The following USP8 variants were observed in gnomAD, a reference collection of about 807,000 sequenced individuals.
The protein encoded by USP8 is ubiquitin carboxyl-terminal hydrolase 8.
A neutral mutation model predicts 130.0 loss-of-function variants in USP8; 27 were observed. The ratio of observed to expected loss-of-function variants is 0.21; its 90% CI spans 0.15 to 0.29. USP8 has a LOEUF of 0.29. Ranked by LOEUF, USP8 falls within the 10% of genes least tolerant of loss-of-function variation. The pLI, the probability that USP8 is intolerant of heterozygous loss-of-function variation, is 1.00. For synonymous variants in USP8, 392 were observed against 444.1 expected, an observed-to-expected ratio of 0.88 and a Z score of 1.48; for missense variants, 1,029 against 1,312.2, an observed-to-expected ratio of 0.78 and a Z score of 3.33.
intron 2 of USP8, 37 bp from the exon 3 acceptor site, chr15:50,441,312 C>T: frequency 6.5e-7 from 1 of 1,546,328 alleles, no homozygotes; most frequent in Non-Finnish European, 8.7e-7. Flanking sequence ...TCCCAGATGT[C>T]AATTGCTTTA....
intron 3 of USP8, among the ~76,000 whole-genome samples, chr15:50,442,910 G>T (rs1483714979): frequency 6.6e-6 from 1 of 152,122 alleles, no homozygotes; most frequent in Non-Finnish European, 1.5e-5. Context: ...TTTTCACCTG[G>T]TAGAGAAGCC....
In USP8 at chr15:50,513,369, C is replaced by T. The variant is rs2052762726; in HGVS notation, c.*14281C>T. On this transcript the variant is annotated 3_prime_UTR_variant, in exon 20 of 20. Transcript: ENST00000307179. ...ACATCATAGGCTAGTGAAATTATAA[C>T]CACATGCAACAATATGGATATATCT... The T allele has an allele frequency of 6.6e-6, 1 of 151,666 alleles. No homozygotes were observed. Among genetic ancestry groups the T allele is most frequent in the Admixed American group, 6.6e-5 (1 of 15,228 alleles). 9.4% of individuals were successfully genotyped at this position (151,666 alleles called of 1,614,324 possible). A position where few individuals can be genotyped will look rare whatever the true frequency, so the allele number is the denominator to read the frequency against.
rs769139625 is a variant in USP8 at position 50,481,971 on chromosome 15, A to C, written c.1709A>C (p.Asp570Ala). The change falls in exon 11 of 20, where the codon GAT becomes GCT. Residue 570 changes from aspartate (D) to alanine (A), a missense_variant. By Grantham distance (126) the Asp-to-Ala change is moderately radical (BLOSUM62 -2). This residue lies in a region of USP8 where 486 missense variants were observed against 522.0 expected (regional missense o/e 0.93). Coordinates refer to ENST00000307179, the MANE Select transcript of USP8 (RefSeq NM_005154.5). The part of the protein sequence containing the change: ...ETSDAKKSVE[D>A]RGKRCPTPEI... ...TCTGATGCCAAGAAATCTGTAGAAG[A>C]TAGGGGGAAAAGGTGTCCAACCCCA... The C allele has an allele frequency of 1.1e-5, 17 of 1,603,196 alleles. No homozygotes were observed. In the African/African-American group the frequency reaches 2.0e-4, roughly 19 times the overall value.
At chr15:50,457,302 A>G (rs2050822783) in intron 4 of USP8, among the ~76,000 whole-genome samples, 1 of 152,250 alleles carries the variant, frequency 6.6e-6, no homozygotes, top group South Asian at 2.1e-4. Context: ...ACACACCTGT[A>G]ATCTCAGCCT....
chr15:50,491,548 C>A (rs1409891974), intron 14 of USP8, among the ~76,000 whole-genome samples: 2 of 151,990 alleles, frequency 1.3e-5, no homozygotes, highest in Non-Finnish European at 2.9e-5. Flanking sequence ...AGAAAAAGCA[C>A]ACGAGTACAT....
At chr15:50,434,601 G>A (rs1044139619) in intron 1 of USP8, among the ~76,000 whole-genome samples, 2 of 151,568 alleles carry the variant, frequency 1.3e-5, no homozygotes, top group African/African-American at 4.8e-5. Flanking sequence ...CCTTTTTGAA[G>A]CATAAGTTTT....
At chr15:50,487,158 A>G (rs553313846) in intron 12 of USP8, among the ~76,000 whole-genome samples, 1 of 152,218 alleles carries the variant, frequency 6.6e-6, no homozygotes, top group Non-Finnish European at 1.5e-5. Flanking sequence ...AATGTAACCA[A>G]ATATCACCTG....
In USP8 at chr15:50,510,188, T is replaced by C. The variant is rs1236278180; in HGVS notation, c.*11100T>C. ...TGAGGAAAAGAAGAGGCTGAGACAT[T>C]TGGTTATTCATATGCAGAAAAATGA... On this transcript the variant is annotated 3_prime_UTR_variant, in exon 20 of 20. Coordinates refer to ENST00000307179, the MANE Select transcript of USP8 (RefSeq NM_005154.5). 6.6e-6 allele frequency: 1 copy of C among 152,156 alleles called. No homozygotes were observed. Among genetic ancestry groups the C allele is most frequent in the Non-Finnish European group, 1.5e-5 (1 of 68,030 alleles). 9.4% of individuals were successfully genotyped at this position (152,156 alleles called of 1,614,324 possible).
intron 3 of USP8, 25 bp from the exon 4 acceptor site, chr15:50,449,375 T>C (rs767448931): frequency 8.1e-6 from 12 of 1,482,586 alleles, no homozygotes; most frequent in Non-Finnish European, 1.1e-5. Context: ...ACTAACAATA[T>C]GGGATGGTTT....
At chr15:50,449,587 T>A (rs2050548743) in intron 4 of USP8, 102 bp downstream of exon 4, 2 of 769,788 alleles carry the variant, frequency 2.6e-6, no homozygotes, top group Non-Finnish European at 1.8e-6. Flanking sequence ...AATATTCCAA[T>A]TTTTTTTTGA....
chr15:50,426,903 T>C (rs760819020), intron 1 of USP8: 6 of 152,126 alleles, frequency 3.9e-5, no homozygotes, highest in Non-Finnish European at 7.3e-5. Flanking sequence ...TGCATTTATA[T>C]AGCAGATGAA....
chr15:50,463,051 C>T (rs1265440447), intron 6 of USP8, among the ~76,000 whole-genome samples: 3 of 152,034 alleles, frequency 2.0e-5, no homozygotes, highest in African/African-American at 7.2e-5. Flanking sequence ...AGTTCAAGAC[C>T]AGCCTAGGTA....
At position 50,493,050 on chromosome 15, in the gene USP8, TTTCTC is replaced by T. The variant is rs762888687; in HGVS notation, c.2447+140_2447+144del. 7 of 931,026 alleles carry T rather than the reference TTTCTC, an allele frequency of 7.5e-6. No individual in the cohort carries two copies. The South Asian group carries it at 9.7e-5, about 13-fold the overall frequency. 57.7% of individuals were successfully genotyped at this position (931,026 alleles called of 1,614,324 possible). A position where few individuals can be genotyped will look rare whatever the true frequency, so the allele number is the denominator to read the frequency against. Reference sequence around the variant, plus strand: ...TAATTTGTAAAGAACAAAAATTTATTTTCTCTTAGTTCTTGACTGGGAAGGCCATC... The same window carrying T: ...TAATTTGTAAAGAACAAAAATTTATTTTAGTTCTTGACTGGGAAGGCCATC... On this transcript the variant is annotated intron_variant, in intron 15 of 19. Coordinates refer to ENST00000307179, the MANE Select transcript of USP8 (RefSeq NM_005154.5).
At chr15:50,472,568 G>T (rs1351342378) in intron 8 of USP8, among the ~76,000 whole-genome samples, 1 of 145,812 alleles carries the variant, frequency 6.9e-6, no homozygotes, top group Non-Finnish European at 1.5e-5. Context: ...CTGCACTCCA[G>T]CCTGGGAGAC....
chr15:50,512,925 A>G lies in USP8; in HGVS notation c.*13837A>G, dbSNP rs2052756153. On this transcript the variant is annotated 3_prime_UTR_variant, in exon 20 of 20. Coordinates refer to ENST00000307179, the MANE Select transcript of USP8 (RefSeq NM_005154.5). Reference sequence around the variant, plus strand: ...CAAAAAGATCATGTACAACAAACCAAAAACAAAAAAGTTATTTCTAACCCA... The same window carrying G: ...CAAAAAGATCATGTACAACAAACCAGAAACAAAAAAGTTATTTCTAACCCA... 6.6e-6 allele frequency: 1 copy of G among 152,196 alleles called. No individual in the cohort carries two copies. Among genetic ancestry groups the G allele is most frequent in the African/African-American group, 2.4e-5 (1 of 41,456 alleles). The allele number at this position is 152,196 out of a possible 1,614,324, so 9.4% of individuals were successfully genotyped here.
rs1478321648 is a variant in USP8 at position 50,500,258 on chromosome 15, T to C, written c.*1170T>C. On this transcript the variant is annotated 3_prime_UTR_variant, in exon 20 of 20. Transcript: ENST00000307179. Reference sequence around the variant, plus strand: ...AATTATTATATCAAATATATTCAAATCATATTCTTAAACTCATCGAGCCAT... The same window carrying C: ...AATTATTATATCAAATATATTCAAACCATATTCTTAAACTCATCGAGCCAT... 2 of 152,642 alleles carry C rather than the reference T, an allele frequency of 1.3e-5. No homozygotes were observed. The highest frequency in any genetic ancestry group is 3.8e-4 in the East Asian group (2 of 5,208). The allele number at this position is 152,642 out of a possible 1,614,324, so 9.5% of individuals were successfully genotyped here.
At chr15:50,481,384 A>G in intron 10 of USP8, 97 bp from the exon 11 acceptor site, 1 of 908,246 alleles carries the variant, frequency 1.1e-6, no homozygotes, top group Non-Finnish European at 1.6e-6. Flanking sequence ...TGTTGTCTCC[A>G]CAAAGTGACA....
At position 50,493,386 on chromosome 15, in the gene USP8, C is replaced by T. The variant is rs2052253046; in HGVS notation, c.2447+473C>T. ...TGTTGACATCAAGAACCCATTTTAC[C>T]TTTCAAACCATAGTACTTACCACTC... On this transcript the variant is annotated intron_variant, in intron 15 of 19. Coordinates refer to ENST00000307179, the MANE Select transcript of USP8 (RefSeq NM_005154.5). 3.9e-6 allele frequency: 2 copies of T among 519,200 alleles called. 1 individual carries two copies. Among genetic ancestry groups the T allele is most frequent in the Non-Finnish European group, 7.7e-6 (2 of 260,158 alleles). The allele number at this position is 519,200 out of a possible 1,614,324, so 32.2% of individuals were successfully genotyped here.
chr15:50,484,189 T>A (rs2051871678), intron 11 of USP8, 86 bp from the exon 12 acceptor site: 2 of 1,000,808 alleles, frequency 2.0e-6, no homozygotes, highest in Non-Finnish European at 2.9e-6. Context: ...TTCATTCTCA[T>A]AGATTCGGTT....
Sources: allele counts gnomAD v4.1 joint callset (sites outside exome capture counted in the v4.1 genomes callset), GRCh38; gene constraint gnomAD v4.1.1; regional missense constraint gnomAD v4.1.1; transcripts MANE v1.5; gene names NCBI Gene and HGNC (gene_info 2026-07-23, HGNC 2026-07-21).